NFIC: variants seen among roughly 807,000 people sequenced by gnomAD.
The protein encoded by NFIC is nuclear factor 1 C-type.
NFIC carries 12 observed loss-of-function variants against 54.4 expected under a neutral mutation model. That is an observed-to-expected ratio of 0.22 (90% confidence interval 0.14 to 0.36). NFIC has a LOEUF of 0.36. Among genes scored for constraint, NFIC ranks in the 10% least tolerant of loss-of-function variants. NFIC has a pLI of 1.00. For synonymous variants in NFIC, 322 were observed against 319.2 expected (o/e 1.01, Z -0.09); for missense variants, 575 against 718.2 (o/e 0.80, Z 2.28).
rs1365639466 is a variant in NFIC, at chr19:3,382,029, G to A, written c.348G>A (p.Arg116=). The change falls in exon 2 of 11, where the codon CGG becomes CGA. Residue 116 remains arginine (R), a synonymous_variant. Coordinates refer to ENST00000443272, the MANE Select transcript of NFIC (RefSeq NM_001245002.2). Reference sequence around the variant, plus strand: ...ACCCCGACCAGAAGGGCAAGATGCGGCGCATCGACTGTCTCCGGCAGGCGG... The same window carrying A: ...ACCCCGACCAGAAGGGCAAGATGCGACGCATCGACTGTCTCCGGCAGGCGG... ...LSNPDQKGKM[R]RIDCLRQADK... is the part of the protein sequence containing the mutation. The A allele has an allele frequency of 6.2e-7, 1 of 1,613,430 alleles. No individual in the cohort carries two copies. The highest frequency in any genetic ancestry group is 1.7e-5 in the Admixed American group (1 of 60,012).
At position 3,464,863 on chromosome 19, in the gene NFIC, T is replaced by G; in HGVS notation, c.*2094T>G. ...TTGGGGATCAAAGCGTGGGCCGCTC[T>G]CCGGGAGGGCGGGCGGGGGAGGGGG... On this transcript the variant is annotated 3_prime_UTR_variant, in exon 11 of 11. Coordinates refer to ENST00000443272, the MANE Select transcript of NFIC (RefSeq NM_001245002.2). The G allele has an allele frequency of 7.4e-5, 15 of 203,442 alleles. No individual in the cohort carries two copies. The highest frequency in any genetic ancestry group is 1.2e-4 in the Non-Finnish European group (14 of 118,418). 12.6% of individuals were successfully genotyped at this position (203,442 alleles called of 1,614,324 possible). A position where few individuals can be genotyped will look rare whatever the true frequency, so the allele number is the denominator to read the frequency against.
intron 1 of NFIC, among the ~76,000 whole-genome samples, chr19:3,380,112 T>A (rs2081177799): frequency 6.6e-6 from 1 of 151,620 alleles, no homozygotes; most frequent in South Asian, 2.1e-4. Flanking sequence ...GCCAATCTCC[T>A]GCCTCAGCCT....
chr19:3,449,918 G>A (rs1401479411), intron 7 of NFIC, among the ~76,000 whole-genome samples: 2 of 151,996 alleles, frequency 1.3e-5, no homozygotes, highest in African/African-American at 4.8e-5. Flanking sequence ...AGCCGAGTGT[G>A]GTGGTATGCG....
At chr19:3,404,030 C>T (rs1369786232) in intron 2 of NFIC, among the ~76,000 whole-genome samples, 1 of 149,486 alleles carries the variant, frequency 6.7e-6, no homozygotes, top group African/African-American at 2.5e-5. Context: ...CCCTGGCCTG[C>T]CCCTTTCCCC....
At chr19:3,360,616 C>G (rs573477879) in intron 1 of NFIC, among the ~76,000 whole-genome samples, 1 of 152,202 alleles carries the variant, frequency 6.6e-6, no homozygotes, top group Non-Finnish European at 1.5e-5. Context: ...TCGGCTCCGC[C>G]GCTTTCTGTG....
At chr19:3,360,499 G>A (rs1396408046) in intron 1 of NFIC, among the ~76,000 whole-genome samples, 3 of 151,970 alleles carry the variant, frequency 2.0e-5, no homozygotes, top group Admixed American at 2.0e-4. Flanking sequence ...GGGTGCGTGG[G>A]AGCCCCTGCG....
chr19:3,382,497 AG>A (rs1342094442), intron 2 of NFIC, among the ~76,000 whole-genome samples: 1 of 149,672 alleles, frequency 6.7e-6, no homozygotes, highest in Non-Finnish European at 1.5e-5. Context: ...TATGTAAAGT[AG>A]GTGATATGGC....
chr19:3,372,694 A>C (rs1599560715), intron 1 of NFIC, among the ~76,000 whole-genome samples: 1 of 123,308 alleles, frequency 8.1e-6, no homozygotes, highest in Non-Finnish European at 1.7e-5. Context: ...TGTTTGCTCA[A>C]GGGGCCCAGG....
intron 2 of NFIC, among the ~76,000 whole-genome samples, chr19:3,387,761 G>A (rs1441365316): frequency 6.6e-6 from 1 of 152,032 alleles, no homozygotes; most frequent in African/African-American, 2.4e-5. Context: ...GGTAGTGAGT[G>A]GCGAGGGCCG....
chr19:3,417,392 T>A (rs1168408070), intron 2 of NFIC, among the ~76,000 whole-genome samples: 1 of 152,090 alleles, frequency 6.6e-6, no homozygotes, highest in Non-Finnish European at 1.5e-5. Context: ...CCTTACAAAT[T>A]GAGCAGATTT....
chr19:3,446,648 G>A (rs1365052181), intron 6 of NFIC, among the ~76,000 whole-genome samples: 4 of 152,174 alleles, frequency 2.6e-5, no homozygotes, highest in African/African-American at 4.8e-5. Flanking sequence ...CCCAGGGCAC[G>A]CCTCCCTGAG....
rs1257440012 is a variant in NFIC, at chr19:3,425,997, C to T, written c.634+820C>T. On this transcript the variant is annotated intron_variant, in intron 3 of 10. Coordinates refer to ENST00000443272, the MANE Select transcript of NFIC (RefSeq NM_001245002.2). ...TCGCCCAGGCTAGAGTGCAGTGGCG[C>T]GATCTCGGCTCACTGCATCCTCCAT... Among the ~76,000 whole-genome samples the T allele has an allele frequency of 5.9e-5, 8 of 135,920 alleles. No individual in the cohort carries two copies. The Middle Eastern group carries it at 0.014, about 240-fold the overall frequency. The allele number at this position is 135,920 out of a possible 152,430, so 89.2% of individuals were successfully genotyped here. A position where few individuals can be genotyped will look rare whatever the true frequency, so the allele number is the denominator to read the frequency against.
At chr19:3,360,633 T>C (rs925550855) in intron 1 of NFIC, among the ~76,000 whole-genome samples, 1 of 152,204 alleles carries the variant, frequency 6.6e-6, no homozygotes, top group Non-Finnish European at 1.5e-5. Flanking sequence ...TGTGTCCGCG[T>C]GTGTCTGCAC....
At chr19:3,402,403 T>C (rs2081572988) in intron 2 of NFIC, among the ~76,000 whole-genome samples, 1 of 152,168 alleles carries the variant, frequency 6.6e-6, no homozygotes, top group South Asian at 2.1e-4. Context: ...CATGTCTCCT[T>C]GTCTCTCTTT....
chr19:3,373,245 C>T (rs2081053058), intron 1 of NFIC, among the ~76,000 whole-genome samples: 1 of 152,232 alleles, frequency 6.6e-6, no homozygotes, highest in African/African-American at 2.4e-5. Flanking sequence ...CCCTCTGGCT[C>T]AGCCCTCATT....
At position 3,462,938 on chromosome 19, in the gene NFIC, G is replaced by A; in HGVS notation, c.*169G>A. On this transcript the variant is annotated 3_prime_UTR_variant, in exon 11 of 11. Transcript: ENST00000443272. ...AACACATAGACGCACACACTCAGGA[G>A]GAAAAGAAAAAACAAAGGCAGAAGA... The A allele has an allele frequency of 2.1e-6, 3 of 1,435,422 alleles. No individual in the cohort carries two copies. Among genetic ancestry groups the A allele is most frequent in the Admixed American group, 2.7e-5 (1 of 37,176 alleles). The allele number at this position is 1,435,422 out of a possible 1,614,324, so 88.9% of individuals were successfully genotyped here. A position where few individuals can be genotyped will look rare whatever the true frequency, so the allele number is the denominator to read the frequency against.
At chr19:3,365,382 T>C (rs935436743), upstream of NFIC, among the ~76,000 whole-genome samples, 7 of 152,194 alleles carry the variant, frequency 4.6e-5, no homozygotes, top group African/African-American at 1.7e-4. Context: ...TCCCACAGGA[T>C]GGGCATCTTT....
In NFIC at chr19:3,464,520, T is replaced by TGC; in HGVS notation, c.*1751_*1752insGC. 2.2e-6 allele frequency: 2 copies of TGC among 929,670 alleles called. No homozygotes were observed. Among genetic ancestry groups the TGC allele is most frequent in the Non-Finnish European group, 1.2e-6 (1 of 804,146 alleles). The allele number at this position is 929,670 out of a possible 1,614,324, so 57.6% of individuals were successfully genotyped here. The stretch of plus-strand genomic sequence containing the variant: ...CACCGAGCTCAAACACAAGGACCCC[T>TGC]CCCCGGCCCACCCAGCCCAGCCCCA... On this transcript the variant is annotated 3_prime_UTR_variant, in exon 11 of 11. Coordinates refer to ENST00000443272, the MANE Select transcript of NFIC (RefSeq NM_001245002.2).
Position 3,452,662 on chromosome 19 carries a change from G to A in NFIC, c.1265G>A (p.Gly422Glu). 6.2e-7 allele frequency: 1 copy of A among 1,605,014 alleles called. No individual in the cohort carries two copies. The highest frequency in any genetic ancestry group is 8.5e-7 in the Non-Finnish European group (1 of 1,175,914). Residue 422 changes from glycine (G) to glutamate (E), a missense_variant, in exon 8 of 11, where the codon GGA becomes GAA. Transcript: ENST00000443272. This position sits in a 1 kb window ranked among gnomAD's most constrained non-coding sequence, Gnocchi z 5.3. The stretch of plus-strand genomic sequence containing the variant: ...TGCGACCCAGCCAGCCAGCAACCTG[G>A]ACCGGTGAGTTGGGCGGGGCGCATT... The part of the protein sequence containing the change: ...LACDPASQQP[G>E]PLNGSGQLKM...
Sources: gnomAD v4.1 joint callset for allele counts (sites outside exome capture counted in the v4.1 genomes callset) on GRCh38, gnomAD v4.1.1 for gene constraint, Gnocchi (gnomAD v3.1) non-coding constraint, MANE v1.5 for transcripts, NCBI Gene and HGNC (gene_info 2026-07-23, HGNC 2026-07-21) for gene names.